Variants in ZFPM2 observed in about 807,000 individuals in gnomAD.
ZFPM2 encodes the protein zinc finger protein ZFPM2.
ZFPM2 carries 20 observed loss-of-function variants against 98.6 expected under a neutral mutation model. The observed-to-expected ratio is 0.20, with a 90% CI of 0.14 to 0.29. The LOEUF is 0.29. ZFPM2 is among the 10% of genes least tolerant of loss of function. ZFPM2 has a pLI of 1.00. For missense variants in ZFPM2, 1,310 were observed against 1,388.6 expected (o/e 0.94, Z 0.90); for synonymous variants, 518 against 502.7 (o/e 1.03, Z -0.41).
At chr8:105,664,360 T>TGTGC (rs549592245) in intron 5 of ZFPM2, among the ~76,000 whole-genome samples, 1 of 144,450 alleles carries the variant, frequency 6.9e-6, no homozygotes, top group South Asian at 2.3e-4. Flanking sequence ...TGTGTGTGTG[T>TGTGC]GACAGAGTTT....
intron 2 of ZFPM2, among the ~76,000 whole-genome samples, chr8:105,429,784 C>T (rs1384474432): frequency 6.6e-6 from 1 of 150,980 alleles, no homozygotes; most frequent in Non-Finnish European, 1.5e-5. Context: ...ACAATATTGG[C>T]AGTTGTGCTG....
intron 5 of ZFPM2, among the ~76,000 whole-genome samples, chr8:105,674,010 T>C (rs1034222615): frequency 1.3e-5 from 2 of 152,214 alleles, no homozygotes; most frequent in African/African-American, 2.4e-5. Context: ...TGAACACTCA[T>C]GTCAAGAAAG....
chr8:105,795,903 CA>C, intron 6 of ZFPM2: 1 of 326,668 alleles, frequency 3.1e-6, no homozygotes, highest in Non-Finnish European at 6.1e-6. Flanking sequence ...AGTAGGTAAG[CA>C]AAAAATTGCA....
intron 1 of ZFPM2, among the ~76,000 whole-genome samples, chr8:105,347,172 C>T (rs1330563254): frequency 7.9e-5 from 11 of 139,146 alleles, no homozygotes; most frequent in East Asian, 2.2e-4. Context: ...GATAGAAAAA[C>T]GTATTGAAGG....
At chr8:105,403,979 G>A (rs896597791) in intron 1 of ZFPM2, among the ~76,000 whole-genome samples, 9 of 144,756 alleles carry the variant, frequency 6.2e-5, no homozygotes, top group African/African-American at 2.3e-4. Flanking sequence ...GACTTTGATG[G>A]TTATTGGTGT....
At chr8:105,474,209 A>G (rs1812968710) in intron 3 of ZFPM2, among the ~76,000 whole-genome samples, 1 of 152,110 alleles carries the variant, frequency 6.6e-6, no homozygotes, top group Non-Finnish European at 1.5e-5. Context: ...CTCTGTTTTT[A>G]TATCTGAAAC....
intron 1 of ZFPM2, among the ~76,000 whole-genome samples, chr8:105,375,692 T>C (rs1308147134): frequency 6.6e-6 from 1 of 152,170 alleles, no homozygotes; most frequent in East Asian, 1.9e-4. Flanking sequence ...GCTTAACTAT[T>C]TTCTTATATC....
At chr8:105,448,337 T>G (rs1188610206) in intron 3 of ZFPM2, among the ~76,000 whole-genome samples, 2 of 152,094 alleles carry the variant, frequency 1.3e-5, no homozygotes. Context: ...TTAGTAAACA[T>G]CTTTTCTTTT....
chr8:105,800,535 ATTACT>A (rs1173872943), intron 7 of ZFPM2, among the ~76,000 whole-genome samples: 1 of 152,028 alleles, frequency 6.6e-6, no homozygotes, highest in African/African-American at 2.4e-5. Flanking sequence ...GATTATATTA[ATTACT>A]TTACAAAATG....
intron 5 of ZFPM2, among the ~76,000 whole-genome samples, chr8:105,689,534 A>C (rs1434313896): frequency 6.6e-6 from 1 of 152,186 alleles, no homozygotes; most frequent in Admixed American, 6.5e-5. Flanking sequence ...CTTGGTTATT[A>C]AGATGCTCAT....
At chr8:105,577,009 T>C (rs2130733248) in intron 4 of ZFPM2, among the ~76,000 whole-genome samples, 1 of 152,270 alleles carries the variant, frequency 6.6e-6, no homozygotes, top group South Asian at 2.1e-4. Context: ...TCATTTCCCT[T>C]ATTTCATAAC....
intron 3 of ZFPM2, among the ~76,000 whole-genome samples, chr8:105,460,934 T>C (rs1473901949): frequency 6.6e-6 from 1 of 152,068 alleles, no homozygotes; most frequent in Non-Finnish European, 1.5e-5. Flanking sequence ...AATGCACTTT[T>C]TTGATATCTT....
In ZFPM2 at chr8:105,802,842, G is replaced by A. The variant is rs917045133; in HGVS notation, c.2760G>A (p.Gly920=). 1 of 1,613,652 alleles carries A rather than the reference G, an allele frequency of 6.2e-7. No individual in the cohort carries two copies. Among genetic ancestry groups the A allele is most frequent in the Admixed American group, 1.7e-5 (1 of 59,978 alleles). Residue 920 remains glycine, a synonymous_variant, in exon 8 of 8, where the codon GGG becomes GGA. Transcript: ENST00000407775. The part of the protein sequence containing the change: ...ERSIIKCEKN[G]NLKQPSPNGN... ...GCATAATAAAATGTGAGAAAAATGG[G>A]AATTTGAAGCAGCCTTCCCCCAATG...
intron 1 of ZFPM2, among the ~76,000 whole-genome samples, chr8:105,395,073 G>A (rs536119945): frequency 6.6e-6 from 1 of 152,258 alleles, no homozygotes; most frequent in South Asian, 2.1e-4. Context: ...TACTGGGTCT[G>A]GTCCAGGCTA....
intron 1 of ZFPM2, among the ~76,000 whole-genome samples, chr8:105,386,472 G>A (rs537782097): frequency 6.6e-6 from 1 of 152,210 alleles, no homozygotes; most frequent in South Asian, 2.1e-4. Flanking sequence ...TAGCTCTTAA[G>A]GTGGTGTGTC....
chr8:105,571,261 T>C lies in ZFPM2; in HGVS notation c.420+9780T>C, dbSNP rs138783472. On this transcript the variant is annotated intron_variant, in intron 4 of 7. Coordinates refer to ENST00000407775, the MANE Select transcript of ZFPM2 (RefSeq NM_012082.4). ...CATTGCTACTGTCATTTCTTCGTAT[T>C]TGCCAAAAACAGAATCATGAAGGCC... Among the ~76,000 whole-genome samples, 17 of 152,294 alleles carry C rather than the reference T, an allele frequency of 1.1e-4. No individual in the cohort carries two copies. The East Asian group carries it at 3.3e-3, about 29-fold the overall frequency.
At chr8:105,345,425 C>CTTTTTTTTTTTTTTT (rs10560485) in intron 1 of ZFPM2, among the ~76,000 whole-genome samples, 2 of 98,360 alleles carry the variant, frequency 2.0e-5, no homozygotes, top group African/African-American at 7.2e-5. Flanking sequence ...TCGTGATGTT[C>CTTTTTTTTTTTTTTT]TTTTTTTTTT....
chr8:105,428,341 T>A (rs1260634954), intron 2 of ZFPM2, among the ~76,000 whole-genome samples: 1 of 152,224 alleles, frequency 6.6e-6, no homozygotes, highest in East Asian at 1.9e-4. Flanking sequence ...AATATTTCTA[T>A]CTTTTGGTAC....
intron 1 of ZFPM2, among the ~76,000 whole-genome samples, chr8:105,382,434 GT>G (rs1182114936): frequency 6.6e-6 from 1 of 151,746 alleles, no homozygotes; most frequent in Non-Finnish European, 1.5e-5. Context: ...AACTATAGAA[GT>G]TTTTTTATTA....
Sources: allele counts gnomAD v4.1 joint callset (sites outside exome capture counted in the v4.1 genomes callset), GRCh38; gene constraint gnomAD v4.1.1; transcripts MANE v1.5; gene names NCBI Gene and HGNC (gene_info 2026-07-23, HGNC 2026-07-21).